The following ASTN1 variants were observed in gnomAD, a reference collection of about 807,000 sequenced individuals.
ASTN1 encodes astrotactin-1.
In ASTN1, 41 loss-of-function variants were observed where a neutral mutation model predicts 140.7. The ratio of observed to expected loss-of-function variants is 0.29; its 90% CI spans 0.23 to 0.38. The LOEUF (loss-of-function observed/expected upper bound fraction) is 0.38, where lower values mean the gene tolerates loss of function less well. Among genes scored for constraint, ASTN1 ranks in the 10% least tolerant of loss-of-function variants. ASTN1 has a pLI of 1.00. For missense variants in ASTN1, 1,479 were observed against 1,678.8 expected (o/e 0.88, Z 2.08); for synonymous variants, 640 against 652.2 (o/e 0.98, Z 0.29).
chr1:176,883,503 CT>C (rs1403102665), intron 19 of ASTN1, among the ~76,000 whole-genome samples: 2 of 152,160 alleles, frequency 1.3e-5, no homozygotes, highest in African/African-American at 2.4e-5. Context: ...CTGGGCGCTC[CT>C]TTATAAAATT....
intron 8 of ASTN1, among the ~76,000 whole-genome samples, chr1:176,996,325 A>G (rs955913614): frequency 6.6e-6 from 1 of 151,324 alleles, no homozygotes; most frequent in Non-Finnish European, 1.5e-5. Flanking sequence ...AGAGAGAGAG[A>G]GACAGAGACA....
intron 1 of ASTN1, among the ~76,000 whole-genome samples, chr1:177,092,508 A>G (rs186384529): frequency 6.6e-6 from 1 of 152,316 alleles, no homozygotes; most frequent in Admixed American, 6.5e-5. Flanking sequence ...AACTTTGACG[A>G]AGTCAAATTT....
chr1:176,973,638 C>G (rs531455448), intron 8 of ASTN1, among the ~76,000 whole-genome samples: 1 of 152,198 alleles, frequency 6.6e-6, no homozygotes. Flanking sequence ...TTCTTTCTCT[C>G]AAACCTCTGA....
chr1:176,866,707 C>T lies in ASTN1; in HGVS notation c.3647+2137G>A, dbSNP rs1216330244. Among the ~76,000 whole-genome samples the T allele has an allele frequency of 2.0e-5, 3 of 152,262 alleles. No individual in the cohort carries two copies. In the East Asian group the frequency reaches 5.8e-4, roughly 29 times the overall value. On this transcript the variant is annotated intron_variant, in intron 22 of 22. Coordinates refer to ENST00000361833, the MANE Select transcript of ASTN1 (RefSeq NM_004319.3). The stretch of plus-strand genomic sequence containing the variant: ...AATTAATTTTGGAGCCTGTGACTTC[C>T]TTTCTAATTAGTGGTGCAACCAATG...
chr1:176,912,330 A>G (rs1557954323), intron 16 of ASTN1, among the ~76,000 whole-genome samples: 1 of 152,254 alleles, frequency 6.6e-6, no homozygotes, highest in Non-Finnish European at 1.5e-5. Flanking sequence ...ACAAATGCAC[A>G]TGGCTCTGCT....
intron 1 of ASTN1, among the ~76,000 whole-genome samples, chr1:177,101,291 C>G (rs1398354565): frequency 6.6e-6 from 1 of 152,076 alleles, no homozygotes; most frequent in Non-Finnish European, 1.5e-5. Flanking sequence ...TAGACCCAAA[C>G]TGGAAACTAC....
intron 22 of ASTN1, among the ~76,000 whole-genome samples, chr1:176,864,965 A>ATTC (rs1668082976): frequency 6.6e-6 from 1 of 152,210 alleles, no homozygotes; most frequent in Non-Finnish European, 1.5e-5. Context: ...TGTTGAACTG[A>ATTC]AAAGGATATT....
intron 3 of ASTN1, among the ~76,000 whole-genome samples, chr1:177,031,612 G>T (rs939917891): frequency 6.6e-6 from 1 of 152,140 alleles, no homozygotes; most frequent in Non-Finnish European, 1.5e-5. Flanking sequence ...AGAACAAGCA[G>T]AATAAAAACC....
chr1:177,088,263 G>A (rs543456907), intron 1 of ASTN1, among the ~76,000 whole-genome samples: 15 of 152,238 alleles, frequency 9.9e-5, no homozygotes, highest in South Asian at 2.1e-4. Flanking sequence ...CGTGCCTGTC[G>A]CCTCGGCTAC....
At chr1:177,144,068 C>G (rs183110050) in intron 1 of ASTN1, among the ~76,000 whole-genome samples, 1 of 151,948 alleles carries the variant, frequency 6.6e-6, no homozygotes, top group African/African-American at 2.4e-5. Context: ...AGAACTTTAT[C>G]AAATCCATGT....
intron 1 of ASTN1, among the ~76,000 whole-genome samples, chr1:177,136,219 A>G (rs1054137336): frequency 6.6e-6 from 1 of 152,184 alleles, no homozygotes; most frequent in Non-Finnish European, 1.5e-5. Context: ...TCTTGTGAAC[A>G]TATCCCAGCT....
At chr1:177,109,364 T>C (rs895896016) in intron 1 of ASTN1, among the ~76,000 whole-genome samples, 1 of 152,114 alleles carries the variant, frequency 6.6e-6, no homozygotes, top group African/African-American at 2.4e-5. Context: ...TGTTAGAAGA[T>C]GTTTGAGATG....
intron 8 of ASTN1, among the ~76,000 whole-genome samples, chr1:176,996,775 C>T (rs1674473368): frequency 6.6e-6 from 1 of 152,162 alleles, no homozygotes; most frequent in African/African-American, 2.4e-5. Context: ...AAGAGGGCAT[C>T]CTGCCACGCT....
chr1:176,888,150 T>A lies in ASTN1; in HGVS notation c.2995A>T (p.Ile999Phe). 1 of 1,614,132 alleles carries A rather than the reference T, an allele frequency of 6.2e-7. No individual in the cohort carries two copies. The highest frequency in any genetic ancestry group is 8.5e-7 in the Non-Finnish European group (1 of 1,180,010). The change falls in exon 18 of 23, where the codon ATC becomes TTC. Residue 999 changes from isoleucine to phenylalanine, a missense_variant. By Grantham distance (21) the Ile-to-Phe change is conservative. Transcript: ENST00000361833. ...GAGTCACATCGACACCAGTCCTCGATGACATCTCCAGTCCCTGAGCACCAG... is the reference window on the plus strand; with the variant it reads ...GAGTCACATCGACACCAGTCCTCGAAGACATCTCCAGTCCCTGAGCACCAG... Reference protein sequence around the residue: ...SLWCSGTGDVIEDWCRCDSTA... With the variant: ...SLWCSGTGDVFEDWCRCDSTA...
chr1:177,090,552 G>T (rs1356053741), intron 1 of ASTN1, among the ~76,000 whole-genome samples: 2 of 152,010 alleles, frequency 1.3e-5, no homozygotes, highest in African/African-American at 2.4e-5. Flanking sequence ...CTTAAAACTA[G>T]AAAAGATTGC....
At position 176,956,246 on chromosome 1, in the gene ASTN1, G is replaced by GCT. The variant is rs780558185; in HGVS notation, c.1887+1430_1887+1431dup. On this transcript the variant is annotated intron_variant, in intron 11 of 22. Transcript: ENST00000361833. ...GTTCTCCTCCTACTTGCCCCTCAGTGCTCTCTCTCTCTCCCTTTCTTTTTC... is the reference window on the plus strand; with the variant it reads ...GTTCTCCTCCTACTTGCCCCTCAGTGCTCTCTCTCTCTCTCCCTTTCTTTTTC... Among the ~76,000 whole-genome samples, 6 of 151,846 alleles carry GCT rather than the reference G, an allele frequency of 4.0e-5. No individual in the cohort carries two copies. In the South Asian group the frequency reaches 6.3e-4, roughly 16 times the overall value.
At chr1:177,154,418 T>G (rs543140884) in intron 1 of ASTN1, among the ~76,000 whole-genome samples, 6 of 152,198 alleles carry the variant, frequency 3.9e-5, no homozygotes, top group African/African-American at 1.4e-4. Flanking sequence ...CTAACTATAT[T>G]TCAAGTGTTC....
chr1:176,946,409 A>T (rs982581162), intron 12 of ASTN1, among the ~76,000 whole-genome samples: 1 of 152,182 alleles, frequency 6.6e-6, no homozygotes, highest in Non-Finnish European at 1.5e-5. Context: ...TTACCCAAAT[A>T]GGTCAGGGTA....
intron 20 of ASTN1, among the ~76,000 whole-genome samples, chr1:176,877,096 G>C (rs1668597524): frequency 6.6e-6 from 1 of 152,172 alleles, no homozygotes; most frequent in South Asian, 2.1e-4. Flanking sequence ...TATATCTTTG[G>C]AAACAGACAG....
Sources: allele counts gnomAD v4.1 joint callset (sites outside exome capture counted in the v4.1 genomes callset), GRCh38; gene constraint gnomAD v4.1.1; transcripts MANE v1.5; gene names NCBI Gene and HGNC (gene_info 2026-07-23, HGNC 2026-07-21).